TRPM1: variants seen among roughly 807,000 people sequenced by gnomAD.
The protein encoded by TRPM1 is transient receptor potential cation channel subfamily M member 1, also known as TRPM1-203 APA Isoform, Intron 10.
In TRPM1, 113 loss-of-function variants were observed where a neutral mutation model predicts 149.4. The ratio of observed to expected loss-of-function variants is 0.76; its 90% CI spans 0.65 to 0.88. TRPM1 has a LOEUF of 0.88. Ranked by LOEUF, TRPM1 falls within the 40% of genes least tolerant of loss-of-function variation. The pLI is 0.00. For missense variants in TRPM1, 1,976 were observed against 2,038.7 expected, an observed-to-expected ratio of 0.97 and a Z score of 0.59; for synonymous variants, 741 against 759.5, an observed-to-expected ratio of 0.98 and a Z score of 0.40.
chr15:31,015,250 A>G (rs2032318091), intron 27 of TRPM1, among the ~76,000 whole-genome samples: 1 of 151,940 alleles, frequency 6.6e-6, no homozygotes, highest in African/African-American at 2.4e-5. Flanking sequence ...CTACTAAAAA[A>G]TAAAAATAAT....
At chr15:31,116,308 A>G (rs1265895052) in intron 1 of TRPM1, among the ~76,000 whole-genome samples, 1 of 152,146 alleles carries the variant, frequency 6.6e-6, no homozygotes, top group African/African-American at 2.4e-5. Flanking sequence ...GCTGAAGTCT[A>G]ATTACAGCAT....
chr15:31,001,257 T>G lies in TRPM1; in HGVS notation c.*565A>C, dbSNP rs1566980416. On this transcript the variant is annotated 3_prime_UTR_variant, in exon 28 of 28. Transcript: ENST00000256552. ...TCCCACTTATTGTGCCTCACAATTT[T>G]ATTTTTCTTCTTTCCACCCCTCCCT... The G allele has an allele frequency of 6.6e-6, 1 of 152,254 alleles. No individual in the cohort carries two copies. The highest frequency in any genetic ancestry group is 1.5e-5 in the Non-Finnish European group (1 of 68,082). 9.4% of individuals were successfully genotyped at this position (152,254 alleles called of 1,614,324 possible).
chr15:31,038,701 G>A lies in TRPM1; in HGVS notation c.2317-535C>T, dbSNP rs986308675. Among the ~76,000 whole-genome samples, 4 of 152,216 alleles carry A rather than the reference G, an allele frequency of 2.6e-5. No individual in the cohort carries two copies. In the South Asian group the frequency reaches 8.3e-4, roughly 32 times the overall value. On this transcript the variant is annotated intron_variant, in intron 18 of 27. Transcript: ENST00000256552. ...CACTCCAGCCTGGGTGACAGAGCAA[G>A]ACCCTGTCTCAAAAATAAAATAAAA... is the stretch of plus-strand genomic sequence containing the variant.
At chr15:31,110,908 C>A (rs1020647778) in intron 1 of TRPM1, among the ~76,000 whole-genome samples, 12 of 149,590 alleles carry the variant, frequency 8.0e-5, no homozygotes, top group Non-Finnish European at 1.3e-4. Flanking sequence ...TCTCTCCCCC[C>A]CCTTCCCTCC....
In TRPM1 at chr15:31,038,112, A is replaced by G. The variant is rs969750115; in HGVS notation, c.2371T>C (p.Tyr791His). 1 of 1,614,032 alleles carries G rather than the reference A, an allele frequency of 6.2e-7. No homozygotes were observed. Among genetic ancestry groups the G allele is most frequent in the African/African-American group, 1.3e-5 (1 of 75,048 alleles). The part of the protein sequence containing the change: ...PTILFLEFRT[Y>H]DDFSYQTSKE... Reference sequence around the variant, plus strand: ...GATGTTTGATACGAGAAATCATCATATGTGCGAAATTCCAAAAACAAGATG... The same window carrying G: ...GATGTTTGATACGAGAAATCATCATGTGTGCGAAATTCCAAAAACAAGATG... Residue 791 changes from tyrosine to histidine, a missense_variant, in exon 19 of 28, where the codon TAT (tyrosine) becomes CAT (histidine). Transcript: ENST00000256552.
intron 1 of TRPM1, among the ~76,000 whole-genome samples, chr15:31,149,990 G>T (rs2036278324): frequency 6.6e-6 from 1 of 152,154 alleles, no homozygotes; most frequent in Non-Finnish European, 1.5e-5. Flanking sequence ...GCATCCCCAG[G>T]CCTGGGCGGC....
At chr15:31,037,350 A>C (rs1230369561) in intron 20 of TRPM1, among the ~76,000 whole-genome samples, 1 of 152,250 alleles carries the variant, frequency 6.6e-6, no homozygotes, top group Admixed American at 6.5e-5. Context: ...GAAAAATGGA[A>C]TCTGTGAATT....
At chr15:31,052,378 G>C (rs934299988) in intron 11 of TRPM1, among the ~76,000 whole-genome samples, 2 of 152,138 alleles carry the variant, frequency 1.3e-5, no homozygotes, top group African/African-American at 4.8e-5. Context: ...GGGAAAACTG[G>C]ATATCCACAT....
At position 31,035,630 on chromosome 15, in the gene TRPM1, C is replaced by T. The variant is rs755589816; in HGVS notation, c.2616G>A (p.Leu872=). The change falls in exon 21 of 28, where the codon CTG becomes CTA. Residue 872 remains leucine (L), a synonymous_variant. Transcript: ENST00000256552. ...GGGACGGCCAGCCATCCATCCGCAC[C>T]AGGATGACGTAGTTAAACAGCAGCA... ...GYLLLFNYVI[L]VRMDGWPSLQ... is the part of the protein sequence containing the mutation. 6 of 1,614,088 alleles carry T rather than the reference C, an allele frequency of 3.7e-6. No homozygotes were observed. The African/African-American group carries it at 8.0e-5, about 22-fold the overall frequency.
intron 1 of TRPM1, among the ~76,000 whole-genome samples, chr15:31,108,323 T>C (rs2035637497): frequency 6.6e-6 from 1 of 152,154 alleles, no homozygotes; most frequent in Admixed American, 6.5e-5. Context: ...AATGTGTATT[T>C]TGTTGTTGGG....
At chr15:31,148,595 A>C (rs187517372) in intron 1 of TRPM1, among the ~76,000 whole-genome samples, 328 of 152,294 alleles carry the variant, frequency 2.2e-3, no homozygotes, top group African/African-American at 7.3e-3. Flanking sequence ...AAAAACTCCC[A>C]TGCCTCACCA....
At chr15:31,113,208 C>G (rs973178728) in intron 1 of TRPM1, among the ~76,000 whole-genome samples, 6 of 152,134 alleles carry the variant, frequency 3.9e-5, no homozygotes, top group African/African-American at 1.4e-4. Context: ...AATGGTAACT[C>G]ACAGGAGTGA....
intron 23 of TRPM1, among the ~76,000 whole-genome samples, chr15:31,030,567 G>A (rs2033021052): frequency 1.3e-5 from 2 of 152,198 alleles, no homozygotes; most frequent in African/African-American, 2.4e-5. Context: ...GTAGCTATGT[G>A]GAAAATGGGC....
chr15:31,112,862 C>T (rs771591493), intron 1 of TRPM1, among the ~76,000 whole-genome samples: 37 of 152,332 alleles, frequency 2.4e-4, no homozygotes, highest in Non-Finnish European at 5.0e-4. Flanking sequence ...CCTTTTCTTT[C>T]TTGTAACCCA....
chr15:31,046,338 G>A, intron 15 of TRPM1, 105 bp from the exon 16 acceptor site: 2 of 1,060,628 alleles, frequency 1.9e-6, no homozygotes, highest in Non-Finnish European at 1.5e-6. Flanking sequence ...GGATTAAAAA[G>A]CACTTTGTAT....
chr15:31,113,239 A>G (rs11637099), intron 1 of TRPM1, among the ~76,000 whole-genome samples: 62,149 of 151,814 alleles, frequency 0.41, 13,291 homozygotes, highest in East Asian at 0.72. Flanking sequence ...CAAATCAACA[A>G]GAAAGGGAGG....
chr15:31,072,018 T>TAG (rs61039099), intron 3 of TRPM1, among the ~76,000 whole-genome samples: 441 of 36,874 alleles, frequency 0.012, 6 homozygotes, highest in Middle Eastern at 0.021. Context: ...TATATATATA[T>TAG]AGAGAGAGAG....
intron 27 of TRPM1, among the ~76,000 whole-genome samples, chr15:31,021,177 G>A (rs547391764): frequency 6.6e-6 from 1 of 152,238 alleles, no homozygotes; most frequent in East Asian, 1.9e-4. Context: ...ATCCCCAAAT[G>A]TCTTCCCCAT....
intron 27 of TRPM1, among the ~76,000 whole-genome samples, chr15:31,003,763 A>C (rs1003264154): frequency 6.6e-6 from 1 of 152,208 alleles, no homozygotes; most frequent in Non-Finnish European, 1.5e-5. Flanking sequence ...AGAATACCAA[A>C]AACTTTAAAT....
Sources: allele counts gnomAD v4.1 joint callset (sites outside exome capture counted in the v4.1 genomes callset), GRCh38; gene constraint gnomAD v4.1.1; transcripts MANE v1.5; gene names NCBI Gene and HGNC (gene_info 2026-07-23, HGNC 2026-07-21).